TLCD4: variants seen among roughly 807,000 people sequenced by gnomAD.
TLCD4 encodes the protein TLC domain-containing protein 4.
In TLCD4, 7 loss-of-function variants were observed where a neutral mutation model predicts 24.2. The observed-to-expected ratio is 0.29, with a 90% CI of 0.16 to 0.54. The LOEUF is 0.54. TLCD4 is among the 20% of genes least tolerant of loss of function. The pLI is 0.95. For synonymous variants in TLCD4, 103 were observed against 106.4 expected, an observed-to-expected ratio of 0.97 and a Z score of 0.20; for missense variants, 259 against 313.9, an observed-to-expected ratio of 0.82 and a Z score of 1.32.
At chr1:95,139,104 G>A (rs887715717) in intron 1 of TLCD4, among the ~76,000 whole-genome samples, 6 of 139,082 alleles carry the variant, frequency 4.3e-5, no homozygotes, top group African/African-American at 1.3e-4. Flanking sequence ...GAGCCTAGAA[G>A]TTTGAGGTTA....
chr1:95,121,144 C>T (rs894696928), intron 1 of TLCD4: 2 of 152,126 alleles, frequency 1.3e-5, no homozygotes, highest in African/African-American at 4.8e-5. Flanking sequence ...AAATGATTGG[C>T]TTTAAGGAAA....
chr1:95,150,548 C>T (rs994874737), intron 4 of TLCD4, among the ~76,000 whole-genome samples: 1 of 152,074 alleles, frequency 6.6e-6, no homozygotes, highest in South Asian at 2.1e-4. Context: ...TAATGAGGCT[C>T]TTAAGTGTAA....
At chr1:95,183,417 G>A (rs973939362) in intron 6 of TLCD4, among the ~76,000 whole-genome samples, 7 of 128,252 alleles carry the variant, frequency 5.5e-5, no homozygotes, top group Non-Finnish European at 1.9e-5. Flanking sequence ...TTGGATAAGA[G>A]GACAAACAGA....
At chr1:95,151,888 T>C (rs911111229) in intron 5 of TLCD4, among the ~76,000 whole-genome samples, 2 of 152,232 alleles carry the variant, frequency 1.3e-5, no homozygotes, top group East Asian at 3.9e-4. Flanking sequence ...CCAAGGTTAA[T>C]AGAGGATTCT....
At chr1:95,097,374 CTATATA>C in the TLCD4 span, among the ~76,000 whole-genome samples, 3 of 152,200 alleles carry the variant, frequency 2.0e-5, no homozygotes, top group Admixed American at 6.5e-5. Context: ...GGCACACCAT[CTATATA>C]TAATGACTCA....
At chr1:95,160,597 G>C (rs2100963879) in intron 5 of TLCD4, among the ~76,000 whole-genome samples, 1 of 152,304 alleles carries the variant, frequency 6.6e-6, no homozygotes, top group Non-Finnish European at 1.5e-5. Context: ...TTTTCAAAGG[G>C]AATGCTTCCA....
rs1328340497 is a variant in TLCD4, at chr1:95,196,677, T to C, written c.*4809T>C. ...CCAAAACCAGAAATATTTCTAAATC[T>C]CAAAGATTTATAAGTACAGTACCTC... On this transcript the variant is annotated 3_prime_UTR_variant, in exon 7 of 7. Coordinates refer to ENST00000370203, the MANE Select transcript of TLCD4 (RefSeq NM_152487.3). The C allele has an allele frequency of 6.6e-6, 1 of 152,208 alleles. No individual in the cohort carries two copies. The highest frequency in any genetic ancestry group is 6.5e-5 in the Admixed American group (1 of 15,278). 9.4% of individuals were successfully genotyped at this position (152,208 alleles called of 1,614,324 possible). A position where few individuals can be genotyped will look rare whatever the true frequency, so the allele number is the denominator to read the frequency against.
intron 5 of TLCD4, among the ~76,000 whole-genome samples, chr1:95,168,236 G>A (rs1678087024): frequency 6.6e-6 from 1 of 152,138 alleles, no homozygotes; most frequent in African/African-American, 2.4e-5. Context: ...CAGCTAGTAA[G>A]GTCAGAGCTA....
At chr1:95,134,684 A>G (rs1676996651) in intron 1 of TLCD4, among the ~76,000 whole-genome samples, 1 of 152,188 alleles carries the variant, frequency 6.6e-6, no homozygotes, top group Non-Finnish European at 1.5e-5. Flanking sequence ...GGCACTGCCT[A>G]CATTTTAAGT....
Position 95,197,428 on chromosome 1 carries a change from C to T in TLCD4, c.*5560C>T, listed in dbSNP as rs906217463. Reference sequence around the variant, plus strand: ...GTTATACAAGGTTGACATATTTTGTCCTGAAATTTTTAGTTAACATTTCAA... The same window carrying T: ...GTTATACAAGGTTGACATATTTTGTTCTGAAATTTTTAGTTAACATTTCAA... On this transcript the variant is annotated 3_prime_UTR_variant, in exon 7 of 7. Transcript: ENST00000370203. 3.9e-5 allele frequency: 6 copies of T among 152,074 alleles called. No individual in the cohort carries two copies. The highest frequency in any genetic ancestry group is 1.4e-4 in the African/African-American group (6 of 41,390). The allele number at this position is 152,074 out of a possible 1,614,324, so 9.4% of individuals were successfully genotyped here.
chr1:95,129,430 T>C (rs1406962177), intron 1 of TLCD4, among the ~76,000 whole-genome samples: 1 of 152,162 alleles, frequency 6.6e-6, no homozygotes, highest in Non-Finnish European at 1.5e-5. Flanking sequence ...CCTTAAGTAA[T>C]ATCATTTATC....
rs190610444 is a variant in TLCD4, at chr1:95,122,608, C to T, written c.-12+4991C>T. Reference sequence around the variant, plus strand: ...TTCTCTGTTATCTCTGACAACTCTCCCCCTATCCCCCACCAACTGCCTTGT... The same window carrying T: ...TTCTCTGTTATCTCTGACAACTCTCTCCCTATCCCCCACCAACTGCCTTGT... On this transcript the variant is annotated intron_variant, in intron 1 of 6. Coordinates refer to ENST00000370203, the MANE Select transcript of TLCD4 (RefSeq NM_152487.3). Among the ~76,000 whole-genome samples the T allele has an allele frequency of 9.9e-4, 150 of 152,260 alleles. 1 individual carries two copies. In the East Asian group the frequency reaches 0.012, roughly 12 times the overall value.
At chr1:95,189,296 A>T (rs1472911227) in intron 6 of TLCD4, among the ~76,000 whole-genome samples, 1 of 152,084 alleles carries the variant, frequency 6.6e-6, no homozygotes, top group Non-Finnish European at 1.5e-5. Flanking sequence ...TTAGGTCAGC[A>T]CCTCTTTCTA....
At chr1:95,103,473 G>C in the TLCD4 span, among the ~76,000 whole-genome samples, 1 of 152,308 alleles carries the variant, frequency 6.6e-6, no homozygotes, top group South Asian at 2.1e-4. Context: ...ATTTCCTGTA[G>C]AAACTAGAGG....
At chr1:95,168,077 G>A (rs910126785) in intron 5 of TLCD4, among the ~76,000 whole-genome samples, 2 of 152,040 alleles carry the variant, frequency 1.3e-5, no homozygotes, top group African/African-American at 4.8e-5. Context: ...TAACTCTCTC[G>A]TTTTATGTTT....
At chr1:95,112,813 A>G (rs1390762069), upstream of TLCD4, among the ~76,000 whole-genome samples, 1 of 152,214 alleles carries the variant, frequency 6.6e-6, no homozygotes, top group African/African-American at 2.4e-5. Context: ...GATATTATTG[A>G]TGGGCATTTG....
At chr1:95,151,487 A>G in intron 5 of TLCD4, 68 bp downstream of exon 5, 1 of 1,544,198 alleles carries the variant, frequency 6.5e-7, no homozygotes, top group Middle Eastern at 1.7e-4. Flanking sequence ...AAAGGTGAAC[A>G]TAAATCTAAA....
chr1:95,162,638 A>C (rs564399669), intron 5 of TLCD4, among the ~76,000 whole-genome samples: 1 of 152,336 alleles, frequency 6.6e-6, no homozygotes, highest in Admixed American at 6.5e-5. Flanking sequence ...AGTGGTTAGT[A>C]CTGGTTGTTC....
intron 5 of TLCD4, among the ~76,000 whole-genome samples, chr1:95,169,767 C>A (rs1303742561): frequency 1.3e-5 from 2 of 152,130 alleles, no homozygotes; most frequent in Non-Finnish European, 2.9e-5. Flanking sequence ...CACCCTCAAA[C>A]TTCTGGGTTC....
Sources: allele counts gnomAD v4.1 joint callset (sites outside exome capture counted in the v4.1 genomes callset), GRCh38; gene constraint gnomAD v4.1.1; transcripts MANE v1.5; gene names NCBI Gene and HGNC (gene_info 2026-07-23, HGNC 2026-07-21).